VOPP1: variants seen among roughly 807,000 people sequenced by gnomAD.
The protein encoded by VOPP1 is VOPP1 WW domain binding protein, also known as WW domain binding protein VOPP1.
VOPP1 carries 8 observed loss-of-function variants against 23.5 expected under a neutral mutation model. That is an observed-to-expected ratio of 0.34 (90% confidence interval 0.20 to 0.61). The LOEUF is 0.61. Among genes scored for constraint, VOPP1 ranks in the 20% least tolerant of loss-of-function variants. The pLI is 0.78. For synonymous variants in VOPP1, 83 were observed against 97.3 expected, an observed-to-expected ratio of 0.85 and a Z score of 0.86; for missense variants, 174 against 238.1, an observed-to-expected ratio of 0.73 and a Z score of 1.77.
intron 1 of VOPP1, among the ~76,000 whole-genome samples, chr7:55,542,232 C>A (rs1258714878): frequency 3.9e-5 from 6 of 152,020 alleles, no homozygotes; most frequent in African/African-American, 1.4e-4. Flanking sequence ...AAATATCTAC[C>A]ACCTCAAATA....
intron 1 of VOPP1, chr7:55,552,684 A>T (rs1253899915): frequency 1.3e-6 from 2 of 1,535,906 alleles, no homozygotes; most frequent in East Asian, 4.9e-5. Context: ...AATGGGGGGC[A>T]CTCAGGTCCT....
intron 1 of VOPP1, among the ~76,000 whole-genome samples, chr7:55,543,549 C>G (rs1797232329): frequency 6.6e-6 from 1 of 152,138 alleles, no homozygotes; most frequent in South Asian, 2.1e-4. Flanking sequence ...TGAGAGGTCC[C>G]CTTTCGCCAT....
chr7:55,464,755 A>T (rs1423011216), intron 4 of VOPP1, among the ~76,000 whole-genome samples: 1 of 152,160 alleles, frequency 6.6e-6, no homozygotes, highest in African/African-American at 2.4e-5. Flanking sequence ...GTCCCGGGGA[A>T]GGATGTAGTC....
In VOPP1 at chr7:55,495,708, G is replaced by T. The variant is rs79803492; in HGVS notation, c.191+1905C>A. 8.6e-3 allele frequency among the ~76,000 whole-genome samples: 1,313 copies of T among 152,296 alleles called. 31 individuals carry two copies. The highest frequency in any genetic ancestry group is 0.03 in the African/African-American group (1,235 of 41,564). ...CCATAAAACCCCAGCACAATGCCTG[G>T]TGTATATCAGACCCGATGTTGATTG... is the stretch of plus-strand genomic sequence containing the variant. On this transcript the variant is annotated intron_variant, in intron 3 of 4. Coordinates refer to ENST00000285279, the MANE Select transcript of VOPP1 (RefSeq NM_030796.5).
intron 4 of VOPP1, among the ~76,000 whole-genome samples, chr7:55,475,469 G>C (rs1231373475): frequency 1.3e-5 from 2 of 152,302 alleles, no homozygotes; most frequent in Middle Eastern, 3.4e-3. Flanking sequence ...GGCAACAGGA[G>C]AACTGACCAA....
intron 1 of VOPP1, among the ~76,000 whole-genome samples, chr7:55,548,172 CAT>C (rs922339248): frequency 2.6e-5 from 4 of 152,250 alleles, no homozygotes; most frequent in South Asian, 2.1e-4. Context: ...TTCGTTTACA[CAT>C]GTTGTATTCT....
intron 2 of VOPP1, among the ~76,000 whole-genome samples, chr7:55,503,499 ATCTT>A (rs1583944816): frequency 2.6e-5 from 4 of 152,220 alleles, no homozygotes; most frequent in Admixed American, 6.5e-5. Context: ...AAGTCACAAA[ATCTT>A]TCTATGTAAA....
At chr7:55,538,629 G>A in intron 1 of VOPP1, 2 of 1,535,970 alleles carry the variant, frequency 1.3e-6, no homozygotes, top group Non-Finnish European at 1.7e-6. Context: ...GAGCACAGAA[G>A]ACAGATACCC....
At chr7:55,520,852 A>T (rs1584011744) in intron 2 of VOPP1, among the ~76,000 whole-genome samples, 1 of 152,172 alleles carries the variant, frequency 6.6e-6, no homozygotes. Flanking sequence ...ATCACAGAAC[A>T]GGGCACAGAA....
chr7:55,495,160 C>A (rs1406189444), intron 3 of VOPP1, among the ~76,000 whole-genome samples: 1 of 152,076 alleles, frequency 6.6e-6, no homozygotes, highest in African/African-American at 2.4e-5. Context: ...TGGGACCCTG[C>A]TGTGGACTCA....
intron 4 of VOPP1, 91 bp from the exon 5 acceptor site, chr7:55,473,136 C>T (rs942701508): frequency 6.6e-7 from 1 of 1,511,046 alleles, no homozygotes; most frequent in Non-Finnish European, 8.8e-7. Context: ...AGACCACGCC[C>T]CGTCATTCAC....
chr7:55,468,667 G>A (rs1791697172), downstream of VOPP1, among the ~76,000 whole-genome samples: 1 of 152,266 alleles, frequency 6.6e-6, no homozygotes, highest in Admixed American at 6.5e-5. Context: ...AAGTGCCTGG[G>A]CGGGGCCGCG....
downstream of VOPP1, among the ~76,000 whole-genome samples, chr7:55,467,321 G>A (rs1331696002): frequency 5.9e-5 from 9 of 152,226 alleles, no homozygotes. Context: ...GTGAGGGGCA[G>A]GAGGGAGTCA....
intron 1 of VOPP1, among the ~76,000 whole-genome samples, chr7:55,540,438 T>A (rs1797076975): frequency 8.1e-6 from 1 of 123,498 alleles, no homozygotes; most frequent in African/African-American, 2.9e-5. Context: ...AATAAATAAA[T>A]AAATAAAAAT....
At chr7:55,552,562 A>T in intron 1 of VOPP1, 1 of 1,529,750 alleles carries the variant, frequency 6.5e-7, no homozygotes, top group Non-Finnish European at 8.8e-7. Context: ...CAGGGTGACA[A>T]ATGAAGTCTA....
intron 4 of VOPP1, among the ~76,000 whole-genome samples, chr7:55,464,065 C>T (rs1030994746): frequency 6.6e-6 from 1 of 152,202 alleles, no homozygotes; most frequent in African/African-American, 2.4e-5. Context: ...AGGGTACACA[C>T]AGGCACAGGC....
intron 4 of VOPP1, among the ~76,000 whole-genome samples, chr7:55,448,968 A>G (rs1791171996): frequency 6.6e-6 from 1 of 152,238 alleles, no homozygotes; most frequent in Non-Finnish European, 1.5e-5. Context: ...TTAGCAGGGA[A>G]GAGGGGACCG....
intron 2 of VOPP1, among the ~76,000 whole-genome samples, chr7:55,516,605 G>C (rs1795424152): frequency 1.3e-5 from 2 of 152,178 alleles, no homozygotes; most frequent in African/African-American, 4.8e-5. Flanking sequence ...GGGATTTCCG[G>C]TGAGACAAAA....
chr7:55,473,891 GT>G (rs1792031367), intron 4 of VOPP1, among the ~76,000 whole-genome samples: 1 of 152,196 alleles, frequency 6.6e-6, no homozygotes, highest in South Asian at 2.1e-4. Flanking sequence ...AGCTGCCCCT[GT>G]GTGAATATTG....
Sources: gnomAD v4.1 joint callset for allele counts (sites outside exome capture counted in the v4.1 genomes callset) on GRCh38, gnomAD v4.1.1 for gene constraint, MANE v1.5 for transcripts, NCBI Gene and HGNC (gene_info 2026-07-23, HGNC 2026-07-21) for gene names.